The following FOXO3 variants were observed in gnomAD, a reference collection of about 807,000 sequenced individuals.
FOXO3 encodes forkhead box protein O3.
A neutral mutation model predicts 41.9 loss-of-function variants in FOXO3; 4 were observed. That is an observed-to-expected ratio of 0.10 (90% CI 0.05 to 0.22). FOXO3 has a LOEUF of 0.22. Among genes scored for constraint, FOXO3 ranks in the 10% least tolerant of loss-of-function variants. The pLI is 1.00. For missense variants in FOXO3, 534 were observed against 906.8 expected, an observed-to-expected ratio of 0.59 and a Z score of 5.28; for synonymous variants, 318 against 389.3, an observed-to-expected ratio of 0.82 and a Z score of 2.16.
At chr6:108,656,658 A>G (rs752486693) in intron 1 of FOXO3, 25 of 224,500 alleles carry the variant, frequency 1.1e-4, no homozygotes, top group Non-Finnish European at 1.8e-4. Flanking sequence ...AATCTTCCCA[A>G]AGAGCCAAGA....
At chr6:108,613,551 A>T (rs1777418374) in intron 1 of FOXO3, among the ~76,000 whole-genome samples, 1 of 152,150 alleles carries the variant, frequency 6.6e-6, no homozygotes, top group Admixed American at 6.5e-5. Flanking sequence ...TTATCCTTTT[A>T]ATAGATATAT....
chr6:108,677,904 T>C (rs1380152887), intron 2 of FOXO3, among the ~76,000 whole-genome samples: 1 of 152,042 alleles, frequency 6.6e-6, no homozygotes, highest in Non-Finnish European at 1.5e-5. Flanking sequence ...CAAGGTAATA[T>C]TATCTAGTAG....
chr6:108,640,101 C>T (rs1340406076), intron 1 of FOXO3, among the ~76,000 whole-genome samples: 3 of 152,170 alleles, frequency 2.0e-5, no homozygotes. Flanking sequence ...AGGGTGGAGC[C>T]AGTCTTGCTG....
At chr6:108,594,461 C>T (rs1238038642) in intron 1 of FOXO3, among the ~76,000 whole-genome samples, 2 of 152,224 alleles carry the variant, frequency 1.3e-5, no homozygotes, top group East Asian at 3.9e-4. Flanking sequence ...CCCCATGGAC[C>T]AAGGCAGCAG....
chr6:108,622,842 G>C (rs1777706050), intron 1 of FOXO3, among the ~76,000 whole-genome samples: 1 of 151,826 alleles, frequency 6.6e-6, no homozygotes, highest in Non-Finnish European at 1.5e-5. Context: ...GTCTGCAAGA[G>C]AGCCGGGCCT....
chr6:108,649,901 C>T (rs1294927534), intron 1 of FOXO3, among the ~76,000 whole-genome samples: 3 of 152,092 alleles, frequency 2.0e-5, no homozygotes, highest in Non-Finnish European at 4.4e-5. Context: ...TCTGTTTCTT[C>T]ATATTTGTCC....
At chr6:108,660,678 C>T (rs1778818012) in intron 1 of FOXO3, among the ~76,000 whole-genome samples, 1 of 151,928 alleles carries the variant, frequency 6.6e-6, no homozygotes, top group Non-Finnish European at 1.5e-5. Context: ...TGAGACCAGC[C>T]TGGCCAACAT....
intron 1 of FOXO3, among the ~76,000 whole-genome samples, chr6:108,585,025 T>TTTC: frequency 1.0e-5 from 1 of 95,272 alleles, no homozygotes; most frequent in African/African-American, 4.0e-5. Flanking sequence ...CCAAAATCTT[T>TTTC]TTTTTTTTTT....
chr6:108,600,683 G>A (rs1231543741), intron 1 of FOXO3, among the ~76,000 whole-genome samples: 1 of 151,940 alleles, frequency 6.6e-6, no homozygotes, highest in African/African-American at 2.4e-5. Context: ...TTTCCTGGTT[G>A]GTTGATTGGA....
rs964838861 is a variant in FOXO3 at position 108,650,275 on chromosome 6, T to C, written c.622-13180T>C. Among the ~76,000 whole-genome samples the C allele has an allele frequency of 2.6e-5, 4 of 152,238 alleles. No homozygotes were observed. In the East Asian group the frequency reaches 7.7e-4, roughly 29 times the overall value. On this transcript the variant is annotated intron_variant, in intron 1 of 2. Coordinates refer to ENST00000406360, the MANE Select transcript of FOXO3 (RefSeq NM_001455.4). Reference sequence around the variant, plus strand: ...GACACGTGCTGGTTGAGGAGTGGGCTCACCCTCCAACTCTCCACCGTATTC... The same window carrying C: ...GACACGTGCTGGTTGAGGAGTGGGCCCACCCTCCAACTCTCCACCGTATTC...
At chr6:108,639,667 A>G (rs1459593904) in intron 1 of FOXO3, 1 of 673,468 alleles carries the variant, frequency 1.5e-6, no homozygotes, top group Non-Finnish European at 1.8e-6. Flanking sequence ...AAATAAATAA[A>G]TAAAATCCAG....
chr6:108,579,993 C>T (rs1776363379), intron 1 of FOXO3, among the ~76,000 whole-genome samples: 1 of 152,006 alleles, frequency 6.6e-6, no homozygotes, highest in Non-Finnish European at 1.5e-5. Context: ...CTCTTAATTC[C>T]TCCCTGCCCA....
intron 1 of FOXO3, among the ~76,000 whole-genome samples, chr6:108,586,863 A>G (rs1227462040): frequency 6.6e-6 from 1 of 152,034 alleles, no homozygotes; most frequent in Non-Finnish European, 1.5e-5. Context: ...GCAGGGCATC[A>G]GGGAATGGGA....
At chr6:108,666,344 C>T (rs544702883) in intron 2 of FOXO3, among the ~76,000 whole-genome samples, 54 of 139,948 alleles carry the variant, frequency 3.9e-4, no homozygotes, top group African/African-American at 1.5e-3. Context: ...TTTTCTTTTT[C>T]TTTTTTTTTG....
intron 1 of FOXO3, among the ~76,000 whole-genome samples, chr6:108,587,756 GTAC>G (rs1776622896): frequency 6.6e-6 from 1 of 152,206 alleles, no homozygotes; most frequent in African/African-American, 2.4e-5. Flanking sequence ...GAGGTTATCT[GTAC>G]TTACTTGACT....
intron 1 of FOXO3, among the ~76,000 whole-genome samples, chr6:108,596,234 A>C (rs1396051924): frequency 6.6e-6 from 1 of 152,080 alleles, no homozygotes; most frequent in Non-Finnish European, 1.5e-5. Flanking sequence ...TTTTTGAGGA[A>C]TAATGGACCT....
intron 1 of FOXO3, among the ~76,000 whole-genome samples, chr6:108,586,497 A>AT (rs564617867): frequency 7.6e-4 from 116 of 152,132 alleles, no homozygotes; most frequent in African/African-American, 2.4e-3. Flanking sequence ...CCTTGTGAAT[A>AT]TTTTTTTGAC....
intron 1 of FOXO3, among the ~76,000 whole-genome samples, chr6:108,609,660 C>T (rs1395762366): frequency 1.3e-5 from 2 of 152,182 alleles, no homozygotes; most frequent in South Asian, 2.1e-4. Context: ...CGCTGTGGAT[C>T]GCTTTTAAGG....
chr6:108,619,116 A>C (rs1350697039), intron 1 of FOXO3, among the ~76,000 whole-genome samples: 3 of 152,202 alleles, frequency 2.0e-5, no homozygotes, highest in Non-Finnish European at 4.4e-5. Flanking sequence ...TCTATCATAG[A>C]TGGAATCCAT....
Sources: allele counts gnomAD v4.1 joint callset (sites outside exome capture counted in the v4.1 genomes callset), GRCh38; gene constraint gnomAD v4.1.1; transcripts MANE v1.5; gene names NCBI Gene and HGNC (gene_info 2026-07-23, HGNC 2026-07-21).